Variants in SPAG9 observed in about 807,000 individuals in gnomAD.
SPAG9 encodes C-Jun-amino-terminal kinase-interacting protein 4.
SPAG9 carries 35 observed loss-of-function variants against 166.5 expected under a neutral mutation model. The ratio of observed to expected loss-of-function variants is 0.21; its 90% CI spans 0.16 to 0.28. The LOEUF is 0.28. Among genes scored for constraint, SPAG9 ranks in the 10% least tolerant of loss-of-function variants. SPAG9 has a pLI of 1.00. For synonymous variants in SPAG9, 534 were observed against 565.5 expected, an observed-to-expected ratio of 0.94 and a Z score of 0.79; for missense variants, 1,235 against 1,603.3, an observed-to-expected ratio of 0.77 and a Z score of 3.92.
intron 6 of SPAG9, among the ~76,000 whole-genome samples, chr17:51,022,374 T>C (rs1344758424): frequency 6.6e-6 from 1 of 152,106 alleles, no homozygotes; most frequent in African/African-American, 2.4e-5. Context: ...TACATACTCA[T>C]TGAAATTTGA....
At chr17:51,019,128 T>C (rs1028013613) in intron 8 of SPAG9, among the ~76,000 whole-genome samples, 5 of 152,108 alleles carry the variant, frequency 3.3e-5, no homozygotes, top group Non-Finnish European at 7.4e-5. Context: ...AGACACAGAG[T>C]TCCTCCCCTC....
intron 2 of SPAG9, among the ~76,000 whole-genome samples, chr17:51,058,260 C>T (rs903944920): frequency 6.6e-6 from 1 of 152,208 alleles, no homozygotes; most frequent in East Asian, 1.9e-4. Context: ...ACCACCACTA[C>T]TAATAGCAGC....
intron 2 of SPAG9, among the ~76,000 whole-genome samples, chr17:51,065,188 A>G (rs1219860210): frequency 6.6e-6 from 1 of 152,138 alleles, no homozygotes; most frequent in African/African-American, 2.4e-5. Context: ...ATTAGATTTC[A>G]ATTTTTAATT....
intron 2 of SPAG9, among the ~76,000 whole-genome samples, chr17:51,060,838 G>GTT (rs371247482): frequency 4.2e-4 from 62 of 146,814 alleles, no homozygotes; most frequent in African/African-American, 1.3e-3. Flanking sequence ...AGAGAAAAGG[G>GTT]TTTTTTTTGT....
intron 28 of SPAG9, among the ~76,000 whole-genome samples, chr17:50,974,342 G>C (rs1404718553): frequency 6.6e-6 from 1 of 152,136 alleles, no homozygotes; most frequent in Non-Finnish European, 1.5e-5. Flanking sequence ...AGACACAGGG[G>C]CCAGACCCCC....
chr17:50,996,803 T>G, intron 15 of SPAG9, 109 bp from the exon 16 acceptor site: 7 of 1,051,220 alleles, frequency 6.7e-6, no homozygotes, highest in Non-Finnish European at 9.7e-6. Flanking sequence ...AAAATTTACA[T>G]GATTTCAAAT....
intron 6 of SPAG9, among the ~76,000 whole-genome samples, chr17:51,025,245 G>C (rs1315412738): frequency 1.4e-5 from 2 of 143,138 alleles, no homozygotes; most frequent in Non-Finnish European, 3.0e-5. Flanking sequence ...TTGAACCCAG[G>C]AGACGGAGGC....
At chr17:51,010,343 G>A (rs933321796) in intron 9 of SPAG9, among the ~76,000 whole-genome samples, 10 of 152,042 alleles carry the variant, frequency 6.6e-5, no homozygotes, top group Admixed American at 6.6e-4. Flanking sequence ...TCACTCAGTT[G>A]CTATGTGCTA....
Position 51,001,810 on chromosome 17 carries a change from A to G in SPAG9, c.1512T>C (p.Thr504=). ...TGAGAACACGGGCCATTTCTACTCT[A>G]GTAAACCGTTTCCTCTGGGCTGTGG... ...DIPTAQRKRF[T]RVEMARVLME... The change falls in exon 13 of 30, where the codon ACT becomes ACC. Residue 504 remains threonine, a synonymous_variant. Transcript: ENST00000262013. 2.5e-6 allele frequency: 4 copies of G among 1,613,572 alleles called. No homozygotes were observed. The highest frequency in any genetic ancestry group is 2.5e-6 in the Non-Finnish European group (3 of 1,179,590).
chr17:51,023,411 T>C, intron 6 of SPAG9: 1 of 246,770 alleles, frequency 4.1e-6, no homozygotes, highest in Non-Finnish European at 8.3e-6. Context: ...GCTGAAGTGG[T>C]AGCTTTAGAT....
chr17:50,969,264 A>C (rs1973595505), intron 29 of SPAG9, among the ~76,000 whole-genome samples: 1 of 152,060 alleles, frequency 6.6e-6, no homozygotes, highest in African/African-American at 2.4e-5. Flanking sequence ...AGCCCAGTGG[A>C]AATTTCCCAC....
intron 1 of SPAG9, among the ~76,000 whole-genome samples, chr17:51,108,763 C>G (rs1423761349): frequency 1.3e-5 from 2 of 152,112 alleles, no homozygotes; most frequent in Non-Finnish European, 2.9e-5. Flanking sequence ...TCCCAAACTG[C>G]TAAGATTATA....
At chr17:51,095,283 G>A (rs1290819646) in intron 1 of SPAG9, among the ~76,000 whole-genome samples, 2 of 130,680 alleles carry the variant, frequency 1.5e-5, no homozygotes, top group Non-Finnish European at 3.2e-5. Flanking sequence ...GGGACAGAGT[G>A]AGACTCCATC....
chr17:51,068,975 G>A (rs1260034726), intron 2 of SPAG9, among the ~76,000 whole-genome samples: 2 of 151,980 alleles, frequency 1.3e-5, no homozygotes, highest in African/African-American at 2.4e-5. Context: ...ACTATCTTGT[G>A]CCTAATTTTC....
At chr17:51,069,165 A>C (rs2047751078) in intron 2 of SPAG9, among the ~76,000 whole-genome samples, 1 of 151,964 alleles carries the variant, frequency 6.6e-6, no homozygotes, top group African/African-American at 2.4e-5. Context: ...CAAACTCCTA[A>C]AGCTGCCTCA....
intron 2 of SPAG9, among the ~76,000 whole-genome samples, chr17:51,059,104 C>A (rs1435137339): frequency 6.6e-6 from 1 of 152,078 alleles, no homozygotes; most frequent in Non-Finnish European, 1.5e-5. Flanking sequence ...GGACCAATAG[C>A]ACAAATATGA....
intron 1 of SPAG9, among the ~76,000 whole-genome samples, chr17:51,118,058 T>C (rs949983948): frequency 3.3e-5 from 5 of 149,992 alleles, no homozygotes; most frequent in African/African-American, 1.2e-4. Flanking sequence ...GCAGAAGAAT[T>C]GCTTGAACCC....
In SPAG9 at chr17:50,990,700, T is replaced by G. The variant is rs1411871387; in HGVS notation, c.2399-32A>C. ...AATAAATCTTCTTGTAACAGCAAAGTAAACTTCTATAAATAACATTTTTTT... is the reference window on the plus strand; with the variant it reads ...AATAAATCTTCTTGTAACAGCAAAGGAAACTTCTATAAATAACATTTTTTT... On this transcript the variant is annotated intron_variant, in intron 19 of 29. Coordinates refer to ENST00000262013, the MANE Select transcript of SPAG9 (RefSeq NM_001130528.3). 3 of 1,536,640 alleles carry G rather than the reference T, an allele frequency of 2.0e-6. No homozygotes were observed. The South Asian group carries it at 3.4e-5, about 17-fold the overall frequency.
intron 21 of SPAG9, among the ~76,000 whole-genome samples, chr17:50,988,294 C>T (rs1326375794): frequency 6.6e-6 from 1 of 152,010 alleles, no homozygotes; most frequent in Admixed American, 6.6e-5. Context: ...CAGACCTTAG[C>T]GATGACCTTG....
Sources: allele counts gnomAD v4.1 joint callset (sites outside exome capture counted in the v4.1 genomes callset), GRCh38; gene constraint gnomAD v4.1.1; transcripts MANE v1.5; gene names NCBI Gene and HGNC (gene_info 2026-07-23, HGNC 2026-07-21).